ANO6: variants seen among roughly 807,000 people sequenced by gnomAD.
The protein encoded by ANO6 is anoctamin 6, also known as anoctamin-6.
Under a neutral mutation model 117.5 loss-of-function variants are expected in ANO6, and 106 were observed. The ratio of observed to expected loss-of-function variants is 0.90; its 90% CI spans 0.77 to 1.06. The LOEUF (loss-of-function observed/expected upper bound fraction) is 1.06. Among genes scored for constraint, ANO6 ranks in the 50% least tolerant of loss-of-function variants. ANO6 has a pLI of 0.00. For missense variants in ANO6, 955 were observed against 1,121.1 expected, an observed-to-expected ratio of 0.85 and a Z score of 2.12; for synonymous variants, 367 against 385.1, an observed-to-expected ratio of 0.95 and a Z score of 0.55.
intron 16 of ANO6, among the ~76,000 whole-genome samples, chr12:45,413,390 A>G (rs2137671344): frequency 1.3e-5 from 2 of 152,352 alleles, no homozygotes; most frequent in South Asian, 4.1e-4. Context: ...GGCAGAACAT[A>G]AGGAGAGGAG....
chr12:45,382,934 T>C (rs1216251797), intron 10 of ANO6, among the ~76,000 whole-genome samples: 1 of 152,160 alleles, frequency 6.6e-6, no homozygotes, highest in Non-Finnish European at 1.5e-5. Flanking sequence ...GCTATGCAAA[T>C]TTCTTAAAAT....
chr12:45,218,909 C>T (rs899113607), intron 1 of ANO6, among the ~76,000 whole-genome samples: 2 of 152,084 alleles, frequency 1.3e-5, no homozygotes, highest in Admixed American at 6.5e-5. Flanking sequence ...TCTGTGAAAT[C>T]CCTCTATTAA....
chr12:45,425,166 T>C (rs1390894287), intron 19 of ANO6, among the ~76,000 whole-genome samples: 2 of 150,570 alleles, frequency 1.3e-5, no homozygotes, highest in African/African-American at 4.8e-5. Flanking sequence ...TAAAATAAAA[T>C]CATTGGTGAA....
At chr12:45,316,327 G>A (rs1261230035) in intron 2 of ANO6, among the ~76,000 whole-genome samples, 5 of 152,044 alleles carry the variant, frequency 3.3e-5, no homozygotes, top group Admixed American at 3.3e-4. Context: ...GTTGTGAGAA[G>A]TGACATTTAA....
At chr12:45,228,125 T>C in intron 1 of ANO6, 1 of 24,160 alleles carries the variant, frequency 4.1e-5, no homozygotes, top group South Asian at 3.0e-4. Context: ...TTTGTGTTGT[T>C]TTTTTTTTTT....
chr12:45,353,573 T>C (rs186766560), intron 7 of ANO6, among the ~76,000 whole-genome samples: 34 of 152,340 alleles, frequency 2.2e-4, no homozygotes, highest in Non-Finnish European at 3.5e-4. Context: ...GTTCTTTCCC[T>C]TCATTGCTTC....
chr12:45,286,135 G>T (rs1272125006), intron 1 of ANO6, among the ~76,000 whole-genome samples: 6 of 152,172 alleles, frequency 3.9e-5, no homozygotes, highest in Non-Finnish European at 8.8e-5. Flanking sequence ...CCTCTGAGCA[G>T]CAGCAACAGC....
chr12:45,340,347 A>G (rs1169256926), intron 3 of ANO6, among the ~76,000 whole-genome samples: 3 of 152,156 alleles, frequency 2.0e-5, no homozygotes, highest in African/African-American at 7.2e-5. Flanking sequence ...ATAGAATCAC[A>G]TGCATCATTT....
intron 1 of ANO6, among the ~76,000 whole-genome samples, chr12:45,220,706 A>G (rs959261571): frequency 6.6e-6 from 1 of 152,182 alleles, no homozygotes; most frequent in Non-Finnish European, 1.5e-5. Flanking sequence ...CAAAGTGGTA[A>G]GTGTCTTTTT....
At chr12:45,225,649 C>T (rs1002875226) in intron 1 of ANO6, among the ~76,000 whole-genome samples, 16 of 152,052 alleles carry the variant, frequency 1.1e-4, no homozygotes, top group Non-Finnish European at 1.8e-4. Flanking sequence ...CCACCACGCC[C>T]GGCTAATTTT....
At chr12:45,311,967 G>A (rs1334556920) in intron 2 of ANO6, among the ~76,000 whole-genome samples, 2 of 152,000 alleles carry the variant, frequency 1.3e-5, no homozygotes, top group African/African-American at 4.8e-5. Context: ...GCCAAATGAT[G>A]TAATTGATTA....
chr12:45,308,020 CGTGTGTGTGTCT>C (rs1939725390), intron 2 of ANO6, among the ~76,000 whole-genome samples: 2 of 134,742 alleles, frequency 1.5e-5, no homozygotes, highest in South Asian at 2.5e-4. Context: ...GTAACACTTC[CGTGTGTGTGTCT>C]GTGTGTGTGT....
At chr12:45,264,419 C>T (rs1258867638) in intron 1 of ANO6, among the ~76,000 whole-genome samples, 3 of 152,168 alleles carry the variant, frequency 2.0e-5, no homozygotes, top group Non-Finnish European at 4.4e-5. Flanking sequence ...TGGAAAGTTT[C>T]TGTTGACTCT....
At position 45,426,349 on chromosome 12, in the gene ANO6, C is replaced by T. The variant is rs552396203; in HGVS notation, c.2527-2756C>T. The stretch of plus-strand genomic sequence containing the variant: ...CTTTACTATATAATTTCCATTATCA[C>T]TAAACACACTAATATCTCTCACATC... On this transcript the variant is annotated intron_variant, in intron 19 of 19. Transcript: ENST00000320560. Among the ~76,000 whole-genome samples the T allele has an allele frequency of 2.3e-4, 35 of 152,274 alleles. No homozygotes were observed. The South Asian group carries it at 7.0e-3, about 31-fold the overall frequency.
chr12:45,392,692 G>A (rs1298514767), intron 12 of ANO6, among the ~76,000 whole-genome samples: 2 of 152,204 alleles, frequency 1.3e-5, no homozygotes, highest in Non-Finnish European at 2.9e-5. Flanking sequence ...TGCAGCCTCC[G>A]CTGGTGATAC....
chr12:45,380,072 G>A (rs1942130239), intron 10 of ANO6, among the ~76,000 whole-genome samples: 1 of 152,176 alleles, frequency 6.6e-6, no homozygotes, highest in Admixed American at 6.5e-5. Context: ...AGACGCATAT[G>A]GCACTTATTT....
At chr12:45,423,903 A>T (rs898216567) in intron 19 of ANO6, among the ~76,000 whole-genome samples, 3 of 152,212 alleles carry the variant, frequency 2.0e-5, no homozygotes, top group African/African-American at 4.8e-5. Context: ...GAACTATAGC[A>T]TGTGGTTTTC....
chr12:45,354,495 AAG>A (rs1283841589), intron 7 of ANO6, among the ~76,000 whole-genome samples: 1 of 152,190 alleles, frequency 6.6e-6, no homozygotes, highest in South Asian at 2.1e-4. Context: ...ATGCCAGCAC[AAG>A]AGAGAGGGAC....
chr12:45,399,035 TGCA>T (rs1942707958), intron 12 of ANO6, among the ~76,000 whole-genome samples: 1 of 152,166 alleles, frequency 6.6e-6, no homozygotes. Context: ...GCTAGATAAC[TGCA>T]GACCAGATAT....
Sources: allele counts gnomAD v4.1 joint callset (sites outside exome capture counted in the v4.1 genomes callset), GRCh38; gene constraint gnomAD v4.1.1; transcripts MANE v1.5; gene names NCBI Gene and HGNC (gene_info 2026-07-23, HGNC 2026-07-21).